Variants in STXBP5 observed in about 807,000 individuals in gnomAD.
The protein encoded by STXBP5 is syntaxin binding protein 5, also known as syntaxin-binding protein 5.
Under a neutral mutation model 152.4 loss-of-function variants are expected in STXBP5, and 50 were observed. That is an observed-to-expected ratio of 0.33 (90% CI 0.26 to 0.42). STXBP5 has a LOEUF of 0.42. STXBP5 is among the 10% of genes least tolerant of loss of function. The probability of loss-of-function intolerance (pLI) is 1.00; values close to 1 mark genes in which losing one functional copy is unlikely to be tolerated. For synonymous variants in STXBP5, 492 were observed against 494.7 expected, an observed-to-expected ratio of 0.99 and a Z score of 0.07; for missense variants, 1,167 against 1,388.6, an observed-to-expected ratio of 0.84 and a Z score of 2.54.
At chr6:147,236,023 A>G (rs930263529) in intron 3 of STXBP5, among the ~76,000 whole-genome samples, 4 of 152,212 alleles carry the variant, frequency 2.6e-5, no homozygotes, top group Non-Finnish European at 5.9e-5. Flanking sequence ...GATTGTGGAC[A>G]TTATTTTAGT....
intron 9 of STXBP5, among the ~76,000 whole-genome samples, chr6:147,309,621 C>G (rs1782266162): frequency 6.6e-6 from 1 of 152,022 alleles, no homozygotes; most frequent in Non-Finnish European, 1.5e-5. Flanking sequence ...AGTGACTTCG[C>G]AGTTCTCTCA....
chr6:147,329,993 A>T (rs1384471281), intron 18 of STXBP5, among the ~76,000 whole-genome samples: 1 of 152,138 alleles, frequency 6.6e-6, no homozygotes, highest in Non-Finnish European at 1.5e-5. Context: ...AGATGCTGAT[A>T]TATTTTTATA....
At chr6:147,324,646 G>A (rs764540752) in intron 16 of STXBP5, among the ~76,000 whole-genome samples, 2 of 151,526 alleles carry the variant, frequency 1.3e-5, no homozygotes, top group African/African-American at 2.4e-5. Flanking sequence ...TTGGACTGCC[G>A]CTTCTCCTCA....
At chr6:147,330,116 C>T (rs561327145) in intron 18 of STXBP5, among the ~76,000 whole-genome samples, 20 of 152,104 alleles carry the variant, frequency 1.3e-4, no homozygotes, top group African/African-American at 3.6e-4. Context: ...GCTGTGTTTT[C>T]GTAATAAAAA....
chr6:147,310,306 G>C (rs554291378), intron 10 of STXBP5, 68 bp downstream of exon 10: 1 of 1,110,424 alleles, frequency 9.0e-7, no homozygotes, highest in African/African-American at 1.6e-5. Flanking sequence ...AAAAGACCTA[G>C]GTTGTTTAGA....
intron 4 of STXBP5, among the ~76,000 whole-genome samples, chr6:147,257,411 G>T (rs1396488115): frequency 6.6e-6 from 1 of 151,392 alleles, no homozygotes; most frequent in East Asian, 1.9e-4. Context: ...TCTTAGGTGG[G>T]TTTCAACTAT....
rs1785172483 is a variant in STXBP5 at position 147,363,780 on chromosome 6, A to G, written c.2915+76A>G. 25 of 1,515,256 alleles carry G rather than the reference A, an allele frequency of 1.6e-5. No homozygotes were observed. The East Asian group carries it at 5.6e-4, about 34-fold the overall frequency. The allele number at this position is 1,515,256 out of a possible 1,614,324, so 93.9% of individuals were successfully genotyped here. A position where few individuals can be genotyped will look rare whatever the true frequency, so the allele number is the denominator to read the frequency against. ...ACTATACTACAGAATTGTTTAAAAGAAATGCTTTTTGTGTGTGTATAGTCT... is the reference window on the plus strand; with the variant it reads ...ACTATACTACAGAATTGTTTAAAAGGAATGCTTTTTGTGTGTGTATAGTCT... On this transcript the variant is annotated intron_variant, in intron 24 of 27. Transcript: ENST00000321680.
At chr6:147,381,596 T>G (rs1287506947) in intron 26 of STXBP5, among the ~76,000 whole-genome samples, 1 of 152,174 alleles carries the variant, frequency 6.6e-6, no homozygotes, top group Non-Finnish European at 1.5e-5. Flanking sequence ...TCATAGTAGC[T>G]TTATTCATAA....
chr6:147,324,739 C>G (rs373929793), intron 16 of STXBP5, among the ~76,000 whole-genome samples: 4 of 151,794 alleles, frequency 2.6e-5, no homozygotes, highest in African/African-American at 9.7e-5. Context: ...TTCCTTCACC[C>G]CTGCTGTCCT....
At chr6:147,269,912 A>C (rs1201333235) in intron 7 of STXBP5, among the ~76,000 whole-genome samples, 1 of 152,202 alleles carries the variant, frequency 6.6e-6, no homozygotes, top group Non-Finnish European at 1.5e-5. Flanking sequence ...AGCAATGACC[A>C]AAAGTTTCAA....
At chr6:147,255,571 T>A (rs1216693891) in intron 4 of STXBP5, among the ~76,000 whole-genome samples, 1 of 152,086 alleles carries the variant, frequency 6.6e-6, no homozygotes, top group Non-Finnish European at 1.5e-5. Flanking sequence ...CATGGCTCAC[T>A]GCTCAAGCAA....
intron 3 of STXBP5, among the ~76,000 whole-genome samples, chr6:147,235,674 T>C (rs541800484): frequency 1.3e-5 from 2 of 152,070 alleles, no homozygotes; most frequent in South Asian, 4.1e-4. Context: ...AATCAAAGAG[T>C]GTGCTTCTTT....
At chr6:147,350,458 A>G (rs1163876574) in intron 21 of STXBP5, among the ~76,000 whole-genome samples, 1 of 152,142 alleles carries the variant, frequency 6.6e-6, no homozygotes, top group Non-Finnish European at 1.5e-5. Context: ...ATTGATTAAA[A>G]TATGTATTTA....
At chr6:147,235,202 C>T in intron 2 of STXBP5, 48 bp from the exon 3 acceptor site, 1 of 1,550,046 alleles carries the variant, frequency 6.5e-7, no homozygotes, top group Non-Finnish European at 8.9e-7. Context: ...TTACCAGTTT[C>T]TCAAAACCGA....
At chr6:147,333,302 A>C (rs893261853) in intron 18 of STXBP5, among the ~76,000 whole-genome samples, 1 of 152,096 alleles carries the variant, frequency 6.6e-6, no homozygotes, top group African/African-American at 2.4e-5. Context: ...TGGGTGGATC[A>C]CTGGAAGTCA....
intron 4 of STXBP5, among the ~76,000 whole-genome samples, chr6:147,244,017 AC>A (rs1778678318): frequency 6.6e-6 from 1 of 152,134 alleles, no homozygotes. Flanking sequence ...TATGGGATCC[AC>A]ATCTGGATTC....
intron 22 of STXBP5, among the ~76,000 whole-genome samples, chr6:147,355,740 T>C (rs893742649): frequency 6.6e-6 from 1 of 152,144 alleles, no homozygotes. Flanking sequence ...TTATGTAGAT[T>C]CAATAAAATG....
intron 4 of STXBP5, among the ~76,000 whole-genome samples, chr6:147,239,638 C>T (rs1778441275): frequency 6.6e-6 from 1 of 152,132 alleles, no homozygotes; most frequent in African/African-American, 2.4e-5. Context: ...TTTAAATCTT[C>T]CTGAATCATT....
chr6:147,297,564 A>G (rs9497744), intron 9 of STXBP5, among the ~76,000 whole-genome samples: 2,724 of 152,248 alleles, frequency 0.018, 70 homozygotes, highest in African/African-American at 0.061. Context: ...TAATACTACA[A>G]TACTATGATG....
Sources: allele counts gnomAD v4.1 joint callset (sites outside exome capture counted in the v4.1 genomes callset), GRCh38; gene constraint gnomAD v4.1.1; transcripts MANE v1.5; gene names NCBI Gene and HGNC (gene_info 2026-07-23, HGNC 2026-07-21).